PDE4D: variants seen among roughly 807,000 people sequenced by gnomAD.
The protein encoded by PDE4D is 3',5'-cyclic-AMP phosphodiesterase 4D.
In PDE4D, 24 loss-of-function variants were observed where a neutral mutation model predicts 87.4. The observed-to-expected ratio is 0.27, with a 90% confidence interval of 0.20 to 0.39. The LOEUF (loss-of-function observed/expected upper bound fraction) is 0.39. PDE4D is among the 10% of genes least tolerant of loss of function. The pLI is 1.00. For missense variants in PDE4D, 714 were observed against 1,041.0 expected (o/e 0.69, Z 4.32); for synonymous variants, 384 against 383.2 (o/e 1.00, Z -0.02).
At chr5:59,151,135 G>A (rs1779421310) in intron 5 of PDE4D, among the ~76,000 whole-genome samples, 1 of 152,088 alleles carries the variant, frequency 6.6e-6, no homozygotes, top group Non-Finnish European at 1.5e-5. Context: ...TCTGGTAACC[G>A]AGCTGATCCA....
intron 1 of PDE4D, among the ~76,000 whole-genome samples, chr5:60,420,208 C>A (rs1429901183): frequency 2.0e-5 from 3 of 152,182 alleles, no homozygotes; most frequent in Admixed American, 2.0e-4. Context: ...TACTTTGACA[C>A]CCCTGGGATC....
intron 1 of PDE4D, among the ~76,000 whole-genome samples, chr5:59,882,482 T>C (rs1452908436): frequency 6.6e-6 from 1 of 152,228 alleles, no homozygotes; most frequent in Non-Finnish European, 1.5e-5. Context: ...ATCATGAATT[T>C]GGACAATCTC....
intron 1 of PDE4D, among the ~76,000 whole-genome samples, chr5:60,373,157 T>C (rs923288049): frequency 1.3e-5 from 2 of 152,366 alleles, no homozygotes; most frequent in East Asian, 3.9e-4. Flanking sequence ...GCCATACCCG[T>C]CCTGTGTTGA....
At chr5:60,045,304 T>C (rs1190299008) in intron 2 of PDE4D, among the ~76,000 whole-genome samples, 6 of 151,902 alleles carry the variant, frequency 3.9e-5, no homozygotes, top group South Asian at 2.1e-4. Flanking sequence ...TTCTCCCATT[T>C]TGTAGGTTGC....
chr5:59,474,274 A>G (rs922752784), intron 1 of PDE4D, among the ~76,000 whole-genome samples: 2 of 152,172 alleles, frequency 1.3e-5, no homozygotes, highest in East Asian at 3.8e-4. Context: ...TATATGACAA[A>G]GTTAACCAAG....
chr5:59,707,323 C>G (rs73101141), intron 1 of PDE4D, among the ~76,000 whole-genome samples: 4,612 of 152,060 alleles, frequency 0.03, 233 homozygotes, highest in African/African-American at 0.11. Flanking sequence ...TTTTTCTTGG[C>G]ACTGAGGGGA....
At position 59,735,145 on chromosome 5, in the gene PDE4D, A is replaced by G. The variant is rs948321135; in HGVS notation, c.455+158023T>C. Among the ~76,000 whole-genome samples, 3 of 152,304 alleles carry G rather than the reference A, an allele frequency of 2.0e-5. No individual in the cohort carries two copies. The East Asian group carries it at 5.8e-4, about 29-fold the overall frequency. On this transcript the variant is annotated intron_variant, in intron 1 of 14. Coordinates refer to ENST00000340635, the MANE Select transcript of PDE4D (RefSeq NM_001104631.2). ...GTTTTGTATAAAAATTATTCACTTG[A>G]ATGCCAATGGAATAGTTGAGTACAG...
chr5:59,999,439 G>A (rs1426350987), intron 2 of PDE4D, among the ~76,000 whole-genome samples: 1 of 149,846 alleles, frequency 6.7e-6, no homozygotes, highest in African/African-American at 2.5e-5. Context: ...GACGGAGAAG[G>A]AGATTAAAAG....
At chr5:60,325,065 G>T (rs1279085917) in intron 1 of PDE4D, among the ~76,000 whole-genome samples, 1 of 152,160 alleles carries the variant, frequency 6.6e-6, no homozygotes, top group Non-Finnish European at 1.5e-5. Flanking sequence ...TTGCATTGGG[G>T]CAGTCATGGA....
intron 1 of PDE4D, among the ~76,000 whole-genome samples, chr5:59,650,365 C>T (rs1743249265): frequency 6.6e-6 from 1 of 152,078 alleles, no homozygotes; most frequent in Admixed American, 6.5e-5. Flanking sequence ...TTGATTGATG[C>T]AAATTATCTC....
intron 5 of PDE4D, among the ~76,000 whole-genome samples, chr5:59,133,878 G>T (rs901201803): frequency 3.3e-5 from 5 of 152,088 alleles, no homozygotes; most frequent in Admixed American, 3.3e-4. Context: ...ACCAATGAGA[G>T]ACAAAAGACC....
intron 1 of PDE4D, among the ~76,000 whole-genome samples, chr5:59,537,093 AG>A (rs1189556866): frequency 6.6e-6 from 1 of 152,228 alleles, no homozygotes; most frequent in Non-Finnish European, 1.5e-5. Context: ...TTAATATAAA[AG>A]CTATGATAGA....
At chr5:59,550,846 G>A (rs1817998675) in intron 1 of PDE4D, among the ~76,000 whole-genome samples, 1 of 151,938 alleles carries the variant, frequency 6.6e-6, no homozygotes, top group South Asian at 2.1e-4. Flanking sequence ...ACAGGCACGT[G>A]CCACCACACC....
At chr5:59,404,459 G>A (rs1409270390) in intron 1 of PDE4D, among the ~76,000 whole-genome samples, 1 of 151,934 alleles carries the variant, frequency 6.6e-6, no homozygotes, top group Non-Finnish European at 1.5e-5. Context: ...AGGAGTTGGA[G>A]ACCAACCTGG....
chr5:60,281,028 G>A (rs1751839722), intron 1 of PDE4D, among the ~76,000 whole-genome samples: 1 of 152,154 alleles, frequency 6.6e-6, no homozygotes, highest in Non-Finnish European at 1.5e-5. Context: ...ACCTGCTTAA[G>A]TTCATAGGCA....
chr5:60,247,979 T>C (rs2149676388), intron 1 of PDE4D, among the ~76,000 whole-genome samples: 1 of 152,138 alleles, frequency 6.6e-6, no homozygotes, highest in African/African-American at 2.4e-5. Flanking sequence ...TTAATAAATA[T>C]ATTTTAGTTT....
intron 1 of PDE4D, among the ~76,000 whole-genome samples, chr5:60,419,498 C>G (rs1297736860): frequency 6.6e-6 from 1 of 151,010 alleles, no homozygotes; most frequent in African/African-American, 2.4e-5. Context: ...TATCTATCAC[C>G]TCTGAGGAGA....
chr5:59,804,443 T>A (rs1306247183), intron 1 of PDE4D, among the ~76,000 whole-genome samples: 1 of 152,220 alleles, frequency 6.6e-6, no homozygotes, highest in Non-Finnish European at 1.5e-5. Flanking sequence ...CAAGTTTGGT[T>A]GCCTATTTTT....
At chr5:59,027,360 CT>C (rs892741874) in intron 6 of PDE4D, among the ~76,000 whole-genome samples, 1 of 151,922 alleles carries the variant, frequency 6.6e-6, no homozygotes, top group Non-Finnish European at 1.5e-5. Flanking sequence ...ACTACAGTTT[CT>C]TTTTTTTCCC....
Sources: gnomAD v4.1 joint callset for allele counts (sites outside exome capture counted in the v4.1 genomes callset) on GRCh38, gnomAD v4.1.1 for gene constraint, MANE v1.5 for transcripts, NCBI Gene and HGNC (gene_info 2026-07-23, HGNC 2026-07-21) for gene names.